KLHL10: variants seen among roughly 807,000 people sequenced by gnomAD.
KLHL10 encodes kelch like family member 10, also known as kelch-like protein 10.
KLHL10 carries 11 observed loss-of-function variants against 46.6 expected under a neutral mutation model. The ratio of observed to expected loss-of-function variants is 0.24; its 90% CI spans 0.15 to 0.39. The LOEUF (loss-of-function observed/expected upper bound fraction) is 0.39. Among genes scored for constraint, KLHL10 ranks in the 10% least tolerant of loss-of-function variants. KLHL10 has a pLI of 1.00. For synonymous variants in KLHL10, 254 were observed against 279.1 expected (o/e 0.91, Z 0.90); for missense variants, 475 against 789.8 (o/e 0.60, Z 4.78).
chr17:41,835,737 G>C, upstream of KLHL10: 1 of 1,049,252 alleles, frequency 9.5e-7, no homozygotes, highest in Non-Finnish European at 1.4e-6. Context: ...CAAGCTCCCG[G>C]CCATTTCTTG....
intron 2 of KLHL10, among the ~76,000 whole-genome samples, chr17:41,843,863 G>A (rs552104756): frequency 1.3e-5 from 2 of 151,958 alleles, no homozygotes; most frequent in South Asian, 4.1e-4. Context: ...CCAGGTTCAC[G>A]CCATTCTCCT....
At chr17:41,842,542 A>C (rs1171943024) in intron 2 of KLHL10, among the ~76,000 whole-genome samples, 1 of 152,124 alleles carries the variant, frequency 6.6e-6, no homozygotes, top group Non-Finnish European at 1.5e-5. Flanking sequence ...GAGCCTTCAA[A>C]ATAATTCTAG....
In KLHL10 at chr17:41,846,211, C is replaced by T. The variant is rs145598599; in HGVS notation, c.1302+468C>T. 5.7e-3 allele frequency among the ~76,000 whole-genome samples: 859 copies of T among 149,632 alleles called. 9 individuals carry two copies. The highest frequency in any genetic ancestry group is 0.02 in the African/African-American group (816 of 40,514). ...CGGGCGACAGTGCAAGACTCCATCT[C>T]AAAAGAAAAAAGAAAAAAAAAGTAA... is the stretch of plus-strand genomic sequence containing the variant. On this transcript the variant is annotated intron_variant, in intron 3 of 4. Transcript: ENST00000293303.
In KLHL10 at chr17:41,847,924, T is replaced by C. The variant is rs782063306; in HGVS notation, c.1453-9T>C. 1.3e-5 allele frequency: 21 copies of C among 1,613,894 alleles called. 1 individual carries two copies. The South Asian group carries it at 2.3e-4, about 18-fold the overall frequency. On this transcript the variant is annotated splice_polypyrimidine_tract_variant and intron_variant, in intron 4 of 4. Coordinates refer to ENST00000293303, the MANE Select transcript of KLHL10 (RefSeq NM_152467.5). ...TAGCAGTCAACCGTGTTTCTTTTGC[T>C]ATCCACAGGTAGGTGGCTTTGATGG...
upstream of KLHL10, chr17:41,835,964 C>G: frequency 6.4e-7 from 1 of 1,572,450 alleles, no homozygotes; most frequent in Non-Finnish European, 8.6e-7. Flanking sequence ...TCACCTGTCC[C>G]GAGACCCGAG....
At chr17:41,836,535 G>A (rs1157398957), upstream of KLHL10, 1 of 874,182 alleles carries the variant, frequency 1.1e-6, no homozygotes, top group Non-Finnish European at 1.4e-6. Context: ...ACAAAAACAT[G>A]ACTGGGGCTG....
At position 41,838,100 on chromosome 17, in the gene KLHL10, C is replaced by T; in HGVS notation, c.168C>T (p.Ile56=). The stretch of plus-strand genomic sequence containing the variant: ...TTGAGTTCAGTGCCCATAAGAACAT[C>T]CTCTGTAGCTGCAGTTCCTACTTTA... ...NGFEFSAHKN[I]LCSCSSYFRA... Residue 56 remains isoleucine (I), a synonymous_variant, in exon 1 of 5, where the codon ATC becomes ATT. Transcript: ENST00000293303. 1 of 1,614,046 alleles carries T rather than the reference C, an allele frequency of 6.2e-7. No homozygotes were observed. Among genetic ancestry groups the T allele is most frequent in the Non-Finnish European group, 8.5e-7 (1 of 1,179,988 alleles).
chr17:41,847,917 CT>C lies in KLHL10; in HGVS notation c.1453-12del. On this transcript the variant is annotated splice_polypyrimidine_tract_variant and intron_variant, in intron 4 of 4. Transcript: ENST00000293303. ...CAATGGTTAGCAGTCAACCGTGTTTCTTTTGCTATCCACAGGTAGGTGGCTT... is the reference window on the plus strand; with the variant it reads ...CAATGGTTAGCAGTCAACCGTGTTTCTTTGCTATCCACAGGTAGGTGGCTT... 1 of 1,613,718 alleles carries C rather than the reference CT, an allele frequency of 6.2e-7. No homozygotes were observed. Among genetic ancestry groups the C allele is most frequent in the Non-Finnish European group, 8.5e-7 (1 of 1,180,034 alleles).
chr17:41,840,203 T>A (rs1386038595), intron 1 of KLHL10, among the ~76,000 whole-genome samples: 5 of 152,276 alleles, frequency 3.3e-5, no homozygotes, highest in African/African-American at 1.2e-4. Flanking sequence ...AACTACTCTG[T>A]TTTTATACTG....
chr17:41,836,278 C>G, upstream of KLHL10: 2 of 818,714 alleles, frequency 2.4e-6, no homozygotes, highest in Non-Finnish European at 2.9e-6. Context: ...GCCTGGAGCC[C>G]GGGCGGGGGT....
chr17:41,847,494 G>GT lies in KLHL10; in HGVS notation c.1452+85dup, dbSNP rs1186638388. On this transcript the variant is annotated intron_variant, in intron 4 of 4. Transcript: ENST00000293303. ...AGTAAATGGGTTTATGCTACTATTG[G>GT]TAAGTATTTGAAAAGCTTTTTTTTT... 3.1e-5 allele frequency: 47 copies of GT among 1,492,976 alleles called. 1 individual carries two copies. In the Middle Eastern group the frequency reaches 8.6e-4, roughly 27 times the overall value. The allele number at this position is 1,492,976 out of a possible 1,614,324, so 92.5% of individuals were successfully genotyped here.
intron 1 of KLHL10, among the ~76,000 whole-genome samples, chr17:41,839,179 A>G (rs953934336): frequency 6.6e-6 from 1 of 151,972 alleles, no homozygotes; most frequent in African/African-American, 2.4e-5. Flanking sequence ...TTTAGTAGAG[A>G]CGGGGTTTCA....
chr17:41,837,182 T>C (rs1378433424), upstream of KLHL10, among the ~76,000 whole-genome samples: 1 of 152,200 alleles, frequency 6.6e-6, no homozygotes, highest in Non-Finnish European at 1.5e-5. Context: ...GATTTTTTTT[T>C]TGAGATGGAG....
chr17:41,840,619 G>C (rs1266896333), intron 1 of KLHL10, among the ~76,000 whole-genome samples: 1 of 150,672 alleles, frequency 6.6e-6, no homozygotes, highest in African/African-American at 2.4e-5. Context: ...ACTCCAGCCT[G>C]GGTGACAGAG....
At chr17:41,847,438 C>CAA in intron 4 of KLHL10, 28 bp downstream of exon 4, 1 of 1,609,128 alleles carries the variant, frequency 6.2e-7, no homozygotes, top group Non-Finnish European at 8.5e-7. Context: ...CACACACACA[C>CAA]AAAAAACACA....
In KLHL10 at chr17:41,841,807, T is replaced by G; in HGVS notation, c.195-16T>G. ...AGAAATGTTTCCGTGGCTGCTAGTT[T>G]CTTTCTTTTTTCCAGAGCTTTGTTT... On this transcript the variant is annotated splice_polypyrimidine_tract_variant and intron_variant, in intron 1 of 4. Coordinates refer to ENST00000293303, the MANE Select transcript of KLHL10 (RefSeq NM_152467.5). 4.3e-6 allele frequency: 7 copies of G among 1,614,208 alleles called. No individual in the cohort carries two copies. Among genetic ancestry groups the G allele is most frequent in the Non-Finnish European group, 5.1e-6 (6 of 1,180,038 alleles).
At chr17:41,836,719 G>A (rs547014699), upstream of KLHL10, among the ~76,000 whole-genome samples, 8 of 152,202 alleles carry the variant, frequency 5.3e-5, no homozygotes, top group African/African-American at 1.9e-4. Flanking sequence ...CCAGCTACTC[G>A]GGAGGCTGAG....
rs921342996 is a variant in KLHL10, at chr17:41,845,620, A to G, written c.1179A>G (p.Gly393=). Residue 393 remains glycine (G), a synonymous_variant, in exon 3 of 5, where the codon GGA becomes GGG. Transcript: ENST00000293303. ...GCAATTTTATTTATGCCATGGGAGG[A>G]TTTGATGGCTACGTGCGTCTAAACA... ...VLGNFIYAMG[G]FDGYVRLNTA... 6.2e-7 allele frequency: 1 copy of G among 1,613,796 alleles called. No individual in the cohort carries two copies. The highest frequency in any genetic ancestry group is 1.3e-5 in the African/African-American group (1 of 74,894).
chr17:41,837,647 G>A, upstream of KLHL10: 1 of 1,168,190 alleles, frequency 8.6e-7, no homozygotes, highest in Non-Finnish European at 1.1e-6. Context: ...TCATGGTTCT[G>A]TTTTGGGTTC....
Sources: allele counts gnomAD v4.1 joint callset (sites outside exome capture counted in the v4.1 genomes callset), GRCh38; gene constraint gnomAD v4.1.1; transcripts MANE v1.5; gene names NCBI Gene and HGNC (gene_info 2026-07-23, HGNC 2026-07-21).